ATP2B2: variants seen among roughly 807,000 people sequenced by gnomAD.
ATP2B2 encodes plasma membrane calcium-transporting ATPase 2.
ATP2B2 carries 15 observed loss-of-function variants against 120.0 expected under a neutral mutation model. The ratio of observed to expected loss-of-function variants is 0.12; its 90% CI spans 0.08 to 0.19. The LOEUF (loss-of-function observed/expected upper bound fraction) is 0.19. ATP2B2 is among the 10% of genes least tolerant of loss of function. The pLI is 1.00. For missense variants in ATP2B2, 1,045 were observed against 1,719.8 expected (o/e 0.61, Z 6.94); for synonymous variants, 694 against 700.3 (o/e 0.99, Z 0.14).
At chr3:10,560,449 G>GAGCCAGGTTTTTCC (rs71268444) in intron 2 of ATP2B2, among the ~76,000 whole-genome samples, 1 of 151,824 alleles carries the variant, frequency 6.6e-6, no homozygotes. Flanking sequence ...CGTCTTCTGA[G>GAGCCAGGTTTTTCC]AGCTGAAAAG....
intron 5 of ATP2B2, among the ~76,000 whole-genome samples, chr3:10,389,317 A>G (rs977845504): frequency 6.6e-6 from 1 of 152,248 alleles, no homozygotes; most frequent in Non-Finnish European, 1.5e-5. Context: ...ATGCAGGCTC[A>G]GAGAGCAACT....
intron 2 of ATP2B2, among the ~76,000 whole-genome samples, chr3:10,610,762 G>T (rs2069212084): frequency 6.6e-6 from 1 of 152,020 alleles, no homozygotes; most frequent in South Asian, 2.1e-4. Flanking sequence ...ATGCTATAAA[G>T]ATTTGGGAAG....
chr3:10,341,566 C>T (rs1349486472), intron 19 of ATP2B2, among the ~76,000 whole-genome samples: 2 of 152,208 alleles, frequency 1.3e-5, no homozygotes, highest in Non-Finnish European at 2.9e-5. Context: ...CCGCCTCGGC[C>T]TCCCAAAGTG....
chr3:10,512,410 G>C lies in ATP2B2; in HGVS notation c.-320+21629C>G, dbSNP rs975565326. Among the ~76,000 whole-genome samples the C allele has an allele frequency of 4.6e-5, 7 of 151,610 alleles. No homozygotes were observed. The East Asian group carries it at 1.4e-3, about 30-fold the overall frequency. On this transcript the variant is annotated intron_variant, in intron 3 of 21. Transcript: ENST00000646379. Reference sequence around the variant, plus strand: ...CAGCCTGAATGGCTCAGAGGCCACAGGGGCCACATCAGCTACCTCTGCTGA... The same window carrying C: ...CAGCCTGAATGGCTCAGAGGCCACACGGGCCACATCAGCTACCTCTGCTGA...
intron 1 of ATP2B2, among the ~76,000 whole-genome samples, chr3:10,497,809 C>T (rs1254090445): frequency 6.6e-6 from 1 of 152,194 alleles, no homozygotes; most frequent in East Asian, 1.9e-4. Context: ...GTAATACACA[C>T]AAAAGTTTGC....
chr3:10,656,441 C>T (rs1340745720), intron 1 of ATP2B2, among the ~76,000 whole-genome samples: 2 of 152,282 alleles, frequency 1.3e-5, no homozygotes, highest in South Asian at 2.1e-4. Flanking sequence ...AGAATATGAC[C>T]TCCACTGGGA....
chr3:10,581,622 G>A (rs1158575897), intron 2 of ATP2B2, among the ~76,000 whole-genome samples: 5 of 152,182 alleles, frequency 3.3e-5, no homozygotes, highest in Non-Finnish European at 7.3e-5. Context: ...ACTAGGCATC[G>A]CAAGGAATTC....
intron 12 of ATP2B2, among the ~76,000 whole-genome samples, chr3:10,362,970 CCTCT>C (rs1419768704): frequency 6.6e-6 from 1 of 151,624 alleles, no homozygotes; most frequent in Non-Finnish European, 1.5e-5. Flanking sequence ...GTTTTTTCTC[CCTCT>C]ACTAATGAAA....
chr3:10,660,312 GTT>G (rs1009390281), intron 1 of ATP2B2, among the ~76,000 whole-genome samples: 3 of 152,102 alleles, frequency 2.0e-5, no homozygotes, highest in African/African-American at 7.2e-5. Context: ...TCCAGGAGCT[GTT>G]TTTTTGAAAA....
At chr3:10,593,783 C>A (rs1293411125) in intron 2 of ATP2B2, among the ~76,000 whole-genome samples, 2 of 152,078 alleles carry the variant, frequency 1.3e-5, no homozygotes, top group East Asian at 3.9e-4. Flanking sequence ...AGGCAACCTA[C>A]AGAATGGGAG....
intron 1 of ATP2B2, among the ~76,000 whole-genome samples, chr3:10,492,662 AT>A (rs2065978521): frequency 6.6e-6 from 1 of 152,022 alleles, no homozygotes; most frequent in African/African-American, 2.4e-5. Flanking sequence ...CCCTTTGCCC[AT>A]GCTCTCCCTC....
intron 14 of ATP2B2, among the ~76,000 whole-genome samples, chr3:10,352,562 C>T (rs2060609236): frequency 2.6e-5 from 4 of 152,234 alleles, no homozygotes; most frequent in Admixed American, 2.6e-4. Flanking sequence ...AGCTGACCAC[C>T]AGCCTCCTCT....
In ATP2B2 at chr3:10,532,038, G is replaced by A. The variant is rs146577504; in HGVS notation, c.-320+2001C>T. ...GAACTGTGATCTGGCCCTTTCTGAT[G>A]TGCCCCTCACCCCCCCATCCTCTCC... is the stretch of plus-strand genomic sequence containing the variant. On this transcript the variant is annotated intron_variant, in intron 3 of 21. Coordinates refer to the ATP2B2 transcript ENST00000646379. 1.0e-4 allele frequency among the ~76,000 whole-genome samples: 15 copies of A among 146,514 alleles called. No homozygotes were observed. In the East Asian group the frequency reaches 2.0e-3, roughly 20 times the overall value.
intron 1 of ATP2B2, among the ~76,000 whole-genome samples, chr3:10,503,872 G>T (rs1268970656): frequency 6.6e-6 from 1 of 152,234 alleles, no homozygotes; most frequent in East Asian, 1.9e-4. Flanking sequence ...TGCATGTGTG[G>T]GCAAGCTGCA....
At chr3:10,532,962 C>T (rs746088549) in intron 3 of ATP2B2, among the ~76,000 whole-genome samples, 3 of 152,180 alleles carry the variant, frequency 2.0e-5, no homozygotes, top group Admixed American at 2.0e-4. Flanking sequence ...CTAATGGCGG[C>T]TACTGGGAAG....
At chr3:10,679,948 C>T (rs1031933753) in intron 1 of ATP2B2, among the ~76,000 whole-genome samples, 36 of 151,932 alleles carry the variant, frequency 2.4e-4, no homozygotes, top group Non-Finnish European at 2.9e-5. Context: ...AGCTGGTGGT[C>T]GGTATATGGT....
At chr3:10,405,890 G>C (rs1343439175) in intron 3 of ATP2B2, among the ~76,000 whole-genome samples, 2 of 152,210 alleles carry the variant, frequency 1.3e-5, no homozygotes, top group Admixed American at 1.3e-4. Flanking sequence ...TGGCACTGGG[G>C]GAGCTGTCAC....
At chr3:10,457,865 C>T (rs765638186) in intron 1 of ATP2B2, among the ~76,000 whole-genome samples, 6 of 152,216 alleles carry the variant, frequency 3.9e-5, no homozygotes, top group African/African-American at 7.2e-5. Flanking sequence ...AGGTGGCAGA[C>T]GTAGGTCTAA....
intron 1 of ATP2B2, among the ~76,000 whole-genome samples, chr3:10,680,218 T>C (rs893494010): frequency 3.9e-5 from 6 of 152,120 alleles, no homozygotes; most frequent in African/African-American, 1.2e-4. Flanking sequence ...CTAGGGGAGA[T>C]CACTGGTCTT....
Sources: allele counts gnomAD v4.1 joint callset (sites outside exome capture counted in the v4.1 genomes callset), GRCh38; gene constraint gnomAD v4.1.1; transcripts MANE v1.5; gene names NCBI Gene and HGNC (gene_info 2026-07-23, HGNC 2026-07-21).